The following TENM3 variants were observed in gnomAD, a reference collection of about 807,000 sequenced individuals.
TENM3 encodes teneurin-3.
In TENM3, 63 loss-of-function variants were observed where a neutral mutation model predicts 255.1. That is an observed-to-expected ratio of 0.25 (90% CI 0.20 to 0.30). TENM3 has a LOEUF of 0.30. Ranked by LOEUF, TENM3 falls within the 10% of genes least tolerant of loss-of-function variation. The pLI is 1.00. For missense variants in TENM3, 2,929 were observed against 3,461.1 expected, an observed-to-expected ratio of 0.85 and a Z score of 3.86; for synonymous variants, 1,306 against 1,322.3, an observed-to-expected ratio of 0.99 and a Z score of 0.27.
At chr4:181,487,957 C>T in the TENM3 span, among the ~76,000 whole-genome samples, 1 of 152,188 alleles carries the variant, frequency 6.6e-6, no homozygotes, top group East Asian at 1.9e-4. Context: ...GTAATAATGA[C>T]TCCTGAAAGT....
chr4:181,456,260 C>T, the TENM3 span, among the ~76,000 whole-genome samples: 3 of 150,840 alleles, frequency 2.0e-5, no homozygotes, highest in South Asian at 2.1e-4. Context: ...GAATTCTGTC[C>T]GATATCAAAG....
chr4:182,732,212 A>G (rs888327281), intron 16 of TENM3, among the ~76,000 whole-genome samples: 4 of 152,124 alleles, frequency 2.6e-5, no homozygotes, highest in African/African-American at 9.7e-5. Flanking sequence ...TTGTTCATTT[A>G]TTTATTTATT....
the TENM3 span, among the ~76,000 whole-genome samples, chr4:181,466,077 A>G: frequency 6.6e-6 from 1 of 151,530 alleles, no homozygotes; most frequent in East Asian, 1.9e-4. Context: ...TGGGTGGATA[A>G]TGCCTATGTG....
At chr4:182,576,777 C>T (rs1408743636) in intron 3 of TENM3, among the ~76,000 whole-genome samples, 1 of 152,176 alleles carries the variant, frequency 6.6e-6, no homozygotes, top group Admixed American at 6.5e-5. Flanking sequence ...GCAACACACA[C>T]CCACATACAC....
the TENM3 span, among the ~76,000 whole-genome samples, chr4:181,743,222 T>TC: frequency 3.9e-5 from 6 of 152,234 alleles, no homozygotes; most frequent in African/African-American, 9.6e-5. Flanking sequence ...AAATGGTATT[T>TC]TAGTTCTAGA....
At chr4:181,705,982 T>C in the TENM3 span, among the ~76,000 whole-genome samples, 6 of 152,188 alleles carry the variant, frequency 3.9e-5, no homozygotes, top group Non-Finnish European at 5.9e-5. Context: ...GTCATTGTAT[T>C]AGTTTGCTAG....
At chr4:181,980,852 CT>C in the TENM3 span, among the ~76,000 whole-genome samples, 355 of 150,980 alleles carry the variant, frequency 2.4e-3, 3 homozygotes, top group South Asian at 4.0e-3. Context: ...CCTATTTTTT[CT>C]TTTTTTTTAT....
At chr4:181,777,422 A>AT in the TENM3 span, among the ~76,000 whole-genome samples, 2 of 151,422 alleles carry the variant, frequency 1.3e-5, no homozygotes, top group African/African-American at 4.9e-5. Context: ...AAATTTTAGG[A>AT]TTTTTTTTCT....
chr4:182,485,262 TACTGGAGTTGTA>T (rs1734586702), intron 3 of TENM3, among the ~76,000 whole-genome samples: 1 of 152,178 alleles, frequency 6.6e-6, no homozygotes, highest in South Asian at 2.1e-4. Flanking sequence ...AAACTGCTGA[TACTGGAGTTGTA>T]AGAGTATTAA....
the TENM3 span, among the ~76,000 whole-genome samples, chr4:181,795,382 A>C: frequency 6.6e-6 from 1 of 152,046 alleles, no homozygotes; most frequent in African/African-American, 2.4e-5. Flanking sequence ...TCTTCTTATA[A>C]AGGCACTAAT....
the TENM3 span, among the ~76,000 whole-genome samples, chr4:181,764,078 C>T: frequency 2.0e-5 from 3 of 152,072 alleles, no homozygotes; most frequent in Admixed American, 6.6e-5. Context: ...AAACTTGACT[C>T]GGGGCTATAT....
the TENM3 span, among the ~76,000 whole-genome samples, chr4:181,815,091 A>C: frequency 1.3e-5 from 2 of 152,160 alleles, no homozygotes; most frequent in African/African-American, 4.8e-5. Context: ...GTGTAACAAG[A>C]GATGCAAAAG....
the TENM3 span, among the ~76,000 whole-genome samples, chr4:181,681,183 A>G: frequency 2.0e-5 from 3 of 152,080 alleles, no homozygotes; most frequent in African/African-American, 7.2e-5. Flanking sequence ...AGAGTAAAGG[A>G]GCAAGTGCAT....
chr4:181,601,557 G>A, the TENM3 span, among the ~76,000 whole-genome samples: 1 of 152,146 alleles, frequency 6.6e-6, no homozygotes, highest in Non-Finnish European at 1.5e-5. Context: ...GGACATTGCA[G>A]TGGGAGTCTA....
chr4:182,687,101 C>T (rs575541242), intron 11 of TENM3, among the ~76,000 whole-genome samples: 27 of 152,072 alleles, frequency 1.8e-4, no homozygotes, highest in Non-Finnish European at 3.1e-4. Flanking sequence ...GAAAACAGAA[C>T]ATGTGACTAC....
the TENM3 span, among the ~76,000 whole-genome samples, chr4:181,516,368 T>TTA: frequency 1.2e-4 from 17 of 141,280 alleles, no homozygotes; most frequent in South Asian, 2.7e-3. Flanking sequence ...AAAAAATATT[T>TTA]AAAAAAAAAA....
intron 4 of TENM3, among the ~76,000 whole-genome samples, chr4:182,605,430 A>G (rs1466427945): frequency 6.6e-6 from 1 of 151,292 alleles, no homozygotes; most frequent in East Asian, 1.9e-4. Context: ...AAATTTCAAA[A>G]TTGGACCTGG....
intron 1 of TENM3, among the ~76,000 whole-genome samples, chr4:182,205,896 A>G (rs192530856): frequency 6.9e-4 from 105 of 152,272 alleles, no homozygotes; most frequent in African/African-American, 2.4e-3. Flanking sequence ...AAATTAAGCC[A>G]GCGGACAATT....
rs116631686 is a variant in TENM3 at position 182,500,667 on chromosome 4, G to C, written c.512-100257G>C. 6.1e-3 allele frequency among the ~76,000 whole-genome samples: 929 copies of C among 152,158 alleles called. 10 individuals carry two copies. Among genetic ancestry groups the C allele is most frequent in the African/African-American group, 0.021 (877 of 41,554 alleles). On this transcript the variant is annotated intron_variant, in intron 3 of 27. Coordinates refer to ENST00000511685, the MANE Select transcript of TENM3 (RefSeq NM_001080477.4). ...AAACGTGTACACAAACATATTGTAA[G>C]AGAGACAAATGTATGGGGAGAGAAA...
Sources: allele counts gnomAD v4.1 joint callset (sites outside exome capture counted in the v4.1 genomes callset), GRCh38; gene constraint gnomAD v4.1.1; transcripts MANE v1.5; gene names NCBI Gene and HGNC (gene_info 2026-07-23, HGNC 2026-07-21).